EED: variants seen among roughly 807,000 people sequenced by gnomAD.
EED encodes polycomb protein EED.
EED carries 9 observed loss-of-function variants against 61.0 expected under a neutral mutation model. The observed-to-expected ratio is 0.15, with a 90% CI of 0.09 to 0.26. EED has a LOEUF of 0.26. EED is among the 10% of genes least tolerant of loss of function. The pLI, the probability that EED is intolerant of heterozygous loss-of-function variation, is 1.00. For synonymous variants in EED, 187 were observed against 174.4 expected, an observed-to-expected ratio of 1.07 and a Z score of -0.57; for missense variants, 315 against 542.3, an observed-to-expected ratio of 0.58 and a Z score of 4.16.
chr11:86,276,820 G>T (rs947349175), intron 9 of EED, 160 bp from the exon 10 acceptor site: 23 of 469,200 alleles, frequency 4.9e-5, no homozygotes, highest in Non-Finnish European at 7.7e-5. Context: ...TATGGTCATT[G>T]ACTGTAAATA....
the EED span, among the ~76,000 whole-genome samples, chr11:86,286,453 G>C: frequency 1.3e-5 from 2 of 152,178 alleles, no homozygotes; most frequent in African/African-American, 4.8e-5. Context: ...CTGGAAAAAG[G>C]CTGGTAGAAA....
intron 6 of EED, chr11:86,263,966 TG>T (rs1011992177): frequency 5.8e-6 from 3 of 519,968 alleles, no homozygotes; most frequent in Non-Finnish European, 1.0e-5. Flanking sequence ...CACATGCTTT[TG>T]GGGGGGCCTA....
intron 5 of EED, among the ~76,000 whole-genome samples, chr11:86,257,185 TTGTGTGTGTG>T (rs71040223): frequency 9.8e-5 from 14 of 143,470 alleles, no homozygotes; most frequent in East Asian, 2.0e-4. Flanking sequence ...AATTTTTAAT[TTGTGTGTGTG>T]TGTGTGTGTG....
intron 6 of EED, among the ~76,000 whole-genome samples, chr11:86,257,853 C>G (rs1173774204): frequency 1.3e-5 from 2 of 152,156 alleles, no homozygotes; most frequent in African/African-American, 4.8e-5. Context: ...GATTTTGTGG[C>G]CAATCTTATT....
At position 86,278,679 on chromosome 11, in the gene EED, T is replaced by C. The variant is rs1946285521; in HGVS notation, c.*154T>C. ...TGTAGTGATGTTTACATTGTTTACA[T>C]TCTTTGTACTGTCTTCCTGCTCAGA... On this transcript the variant is annotated 3_prime_UTR_variant, in exon 12 of 12. Coordinates refer to ENST00000263360, the MANE Select transcript of EED (RefSeq NM_003797.5). 1.1e-6 allele frequency: 1 copy of C among 934,170 alleles called. No homozygotes were observed. Among genetic ancestry groups the C allele is most frequent in the Admixed American group, 3.3e-5 (1 of 29,886 alleles). 57.9% of individuals were successfully genotyped at this position (934,170 alleles called of 1,614,324 possible). A position where few individuals can be genotyped will look rare whatever the true frequency, so the allele number is the denominator to read the frequency against.
At position 86,255,356 on chromosome 11, in the gene EED, T is replaced by G. The variant is rs554406282; in HGVS notation, c.426+69T>G. ...ATTTTCAATAAGTGCACCAAAACTT[T>G]TATAAATTAATCATTTCCCTAAAGT... is the stretch of plus-strand genomic sequence containing the variant. On this transcript the variant is annotated intron_variant, in intron 4 of 11. Transcript: ENST00000263360. 7.2e-5 allele frequency: 89 copies of G among 1,239,846 alleles called. No individual in the cohort carries two copies. The South Asian group carries it at 1.1e-3, about 15-fold the overall frequency. 76.8% of individuals were successfully genotyped at this position (1,239,846 alleles called of 1,614,324 possible). A position where few individuals can be genotyped will look rare whatever the true frequency, so the allele number is the denominator to read the frequency against.
intron 2 of EED, 115 bp from the exon 3 acceptor site, chr11:86,252,033 G>C (rs1235242206): frequency 1.6e-6 from 1 of 620,488 alleles, no homozygotes; most frequent in Non-Finnish European, 2.7e-6. Flanking sequence ...GCTTATGTAT[G>C]ATACACAAAA....
At chr11:86,268,621 G>C in intron 9 of EED, 60 bp downstream of exon 9, 1 of 1,114,472 alleles carries the variant, frequency 9.0e-7, no homozygotes, top group Non-Finnish European at 1.3e-6. Flanking sequence ...GTGTGTGTGT[G>C]TGTGTATGTG....
In EED at chr11:86,245,268, A is replaced by G. The variant is rs773741012; in HGVS notation, c.39A>G (p.Thr13=). Residue 13 remains threonine, a synonymous_variant, in exon 1 of 12, where the codon ACA becomes ACG. Coordinates refer to ENST00000263360, the MANE Select transcript of EED (RefSeq NM_003797.5). ...EREVSTAPAG[T]DMPAAKKQKL... The stretch of plus-strand genomic sequence containing the variant: ...AAGTGTCGACTGCGCCGGCGGGAAC[A>G]GACATGCCTGCGGCCAAGAAGCAGA... The G allele has an allele frequency of 1.2e-6, 2 of 1,613,566 alleles. No individual in the cohort carries two copies. The highest frequency in any genetic ancestry group is 2.2e-5 in the South Asian group (2 of 91,074).
intron 1 of EED, among the ~76,000 whole-genome samples, chr11:86,248,971 A>T (rs1430711399): frequency 1.3e-5 from 2 of 152,160 alleles, no homozygotes; most frequent in Non-Finnish European, 2.9e-5. Context: ...CCAAGGACAG[A>T]GTGGGTGACA....
rs182411721 is a variant in EED, at chr11:86,247,255, C to A, written c.114+1912C>A. Among the ~76,000 whole-genome samples the A allele has an allele frequency of 8.1e-4, 124 of 152,214 alleles. No individual in the cohort carries two copies. The Middle Eastern group carries it at 0.01, about 13-fold the overall frequency. On this transcript the variant is annotated intron_variant, in intron 1 of 11. Transcript: ENST00000263360. Reference sequence around the variant, plus strand: ...GGATAGCCTTAATTTTGTGTGTGTGCGTGCGCATGCCTTGGAAGCCTTAAT... The same window carrying A: ...GGATAGCCTTAATTTTGTGTGTGTGAGTGCGCATGCCTTGGAAGCCTTAAT...
intron 1 of EED, among the ~76,000 whole-genome samples, chr11:86,249,728 T>G (rs1190571754): frequency 6.6e-6 from 1 of 152,218 alleles, no homozygotes; most frequent in African/African-American, 2.4e-5. Context: ...ATGTAGCACT[T>G]TAAAAAAATT....
chr11:86,259,178 A>T (rs865882272), intron 6 of EED, among the ~76,000 whole-genome samples: 13 of 142,624 alleles, frequency 9.1e-5, no homozygotes, highest in Admixed American at 3.6e-4. Context: ...CAACATCACA[A>T]CTTTTAACCC....
At chr11:86,254,741 G>A (rs1157480577) in intron 3 of EED, among the ~76,000 whole-genome samples, 1 of 151,916 alleles carries the variant, frequency 6.6e-6, no homozygotes, top group African/African-American at 2.4e-5. Context: ...ACCAGCCTCA[G>A]CCTCCTGAGT....
downstream of EED, among the ~76,000 whole-genome samples, chr11:86,281,119 T>C (rs1027052360): frequency 1.3e-5 from 2 of 152,226 alleles, no homozygotes; most frequent in African/African-American, 4.8e-5. Context: ...GGGATATTGT[T>C]TCTGCTAGTG....
intron 1 of EED, among the ~76,000 whole-genome samples, chr11:86,247,046 A>G (rs998429479): frequency 3.3e-5 from 5 of 152,248 alleles, no homozygotes; most frequent in Non-Finnish European, 5.9e-5. Flanking sequence ...TCTTCCACAT[A>G]CTTAATAATC....
chr11:86,286,706 C>T, the EED span, among the ~76,000 whole-genome samples: 7 of 151,984 alleles, frequency 4.6e-5, no homozygotes, highest in East Asian at 1.4e-3. Context: ...GGTGCGGTGG[C>T]TCAGGCCTGT....
intron 2 of EED, among the ~76,000 whole-genome samples, chr11:86,251,702 C>T (rs1945535375): frequency 6.6e-6 from 1 of 152,142 alleles, no homozygotes; most frequent in South Asian, 2.1e-4. Flanking sequence ...GTCTGCTATG[C>T]TTCACTTTAC....
intron 3 of EED, 150 bp from the exon 4 acceptor site, chr11:86,255,072 A>G (rs1593731212): frequency 1.8e-6 from 1 of 552,756 alleles, no homozygotes; most frequent in African/African-American, 1.9e-5. Context: ...CAGCTTTATA[A>G]TGGCTTCTTT....
Sources: allele counts gnomAD v4.1 joint callset (sites outside exome capture counted in the v4.1 genomes callset), GRCh38; gene constraint gnomAD v4.1.1; transcripts MANE v1.5; gene names NCBI Gene and HGNC (gene_info 2026-07-23, HGNC 2026-07-21).